Variants in LMX1A observed in about 807,000 individuals in gnomAD.
LMX1A encodes the protein LIM homeobox transcription factor 1-alpha.
In LMX1A, 15 loss-of-function variants were observed where a neutral mutation model predicts 49.1. That is an observed-to-expected ratio of 0.31 (90% CI 0.20 to 0.47). LMX1A has a LOEUF of 0.47. Ranked by LOEUF, LMX1A falls within the 20% of genes least tolerant of loss-of-function variation. The probability of loss-of-function intolerance (pLI) is 1.00; values close to 1 mark genes in which losing one functional copy is unlikely to be tolerated. For missense variants in LMX1A, 372 were observed against 475.8 expected, an observed-to-expected ratio of 0.78 and a Z score of 2.03; for synonymous variants, 167 against 185.7, an observed-to-expected ratio of 0.90 and a Z score of 0.82.
intron 3 of LMX1A, among the ~76,000 whole-genome samples, chr1:165,287,369 T>G (rs957677697): frequency 6.6e-6 from 1 of 152,148 alleles, no homozygotes; most frequent in African/African-American, 2.4e-5. Flanking sequence ...GAGCTCGGAC[T>G]ACACCTCTCG....
chr1:165,236,562 TTG>T (rs1305571946), intron 4 of LMX1A, among the ~76,000 whole-genome samples: 2 of 152,148 alleles, frequency 1.3e-5, no homozygotes, highest in African/African-American at 2.4e-5. Context: ...ACACATGGAT[TTG>T]TGTTTGCTGC....
intron 3 of LMX1A, among the ~76,000 whole-genome samples, chr1:165,259,718 G>A (rs1432891878): frequency 6.6e-6 from 1 of 152,200 alleles, no homozygotes; most frequent in South Asian, 2.1e-4. Flanking sequence ...GGATCAGACA[G>A]AGCCTGAGAC....
rs375424933 is a variant in LMX1A at position 165,205,855 on chromosome 1, C to A, written c.988+9G>T. 145 of 1,613,436 alleles carry A rather than the reference C, an allele frequency of 9.0e-5. No homozygotes were observed. The highest frequency in any genetic ancestry group is 1.2e-4 in the Non-Finnish European group (137 of 1,179,848). ...ATGAGAGGGCCCGAGGGGCTTAAGT[C>A]CCTCTTACCATAAGGGTGCATGTGG... On this transcript the variant is annotated intron_variant, in intron 8 of 8. Coordinates refer to ENST00000342310, the MANE Select transcript of LMX1A (RefSeq NM_177398.4).
chr1:165,305,780 T>G (rs1172448446), intron 3 of LMX1A, among the ~76,000 whole-genome samples: 2 of 152,236 alleles, frequency 1.3e-5, no homozygotes, highest in East Asian at 3.9e-4. Context: ...CATTCACAGT[T>G]CTTTGAAAAC....
intron 3 of LMX1A, among the ~76,000 whole-genome samples, chr1:165,313,353 C>T (rs1655127513): frequency 6.6e-6 from 1 of 152,134 alleles, no homozygotes; most frequent in Non-Finnish European, 1.5e-5. Flanking sequence ...AGATGCCCAT[C>T]TCCTCCACTC....
intron 3 of LMX1A, among the ~76,000 whole-genome samples, chr1:165,271,395 A>G: frequency 6.6e-6 from 1 of 152,174 alleles, no homozygotes; most frequent in East Asian, 1.9e-4. Context: ...ACACAGTATC[A>G]CATACCTCCA....
intron 7 of LMX1A, 127 bp from the exon 8 acceptor site, chr1:165,206,161 C>A: frequency 1.2e-6 from 1 of 830,846 alleles, no homozygotes. Context: ...CAGCCTTTGT[C>A]CTACCAGAGG....
intron 3 of LMX1A, among the ~76,000 whole-genome samples, chr1:165,260,615 C>T (rs1174696162): frequency 6.6e-6 from 1 of 152,190 alleles, no homozygotes; most frequent in Admixed American, 6.5e-5. Flanking sequence ...TAAATTTATT[C>T]TGAAAACCAA....
intron 5 of LMX1A, among the ~76,000 whole-genome samples, chr1:165,212,371 AG>A: frequency 6.6e-6 from 1 of 152,212 alleles, no homozygotes. Flanking sequence ...CAACAAGCCC[AG>A]GAGGGGGCTG....
intron 3 of LMX1A, among the ~76,000 whole-genome samples, chr1:165,265,375 G>A (rs1653592171): frequency 6.6e-6 from 1 of 152,150 alleles, no homozygotes; most frequent in Non-Finnish European, 1.5e-5. Context: ...AGAAACACCT[G>A]CCTCTATCAT....
At chr1:165,310,390 T>G (rs1364612687) in intron 3 of LMX1A, among the ~76,000 whole-genome samples, 2 of 152,258 alleles carry the variant, frequency 1.3e-5, no homozygotes, top group East Asian at 3.8e-4. Flanking sequence ...CTTCTTTGTC[T>G]GTTTTCTTTG....
chr1:165,265,203 CA>C (rs528674072), intron 3 of LMX1A, among the ~76,000 whole-genome samples: 196 of 121,316 alleles, frequency 1.6e-3, no homozygotes, highest in Non-Finnish European at 1.4e-3. Flanking sequence ...GACTCTGTCT[CA>C]AAAAAAAAAA....
intron 4 of LMX1A, among the ~76,000 whole-genome samples, chr1:165,229,478 G>A (rs1001499094): frequency 5.9e-5 from 9 of 152,176 alleles, no homozygotes; most frequent in Admixed American, 3.9e-4. Flanking sequence ...CAAGAGCCCC[G>A]CAGTGGGTGG....
At chr1:165,242,195 G>A (rs940653323) in intron 4 of LMX1A, among the ~76,000 whole-genome samples, 1 of 152,220 alleles carries the variant, frequency 6.6e-6, no homozygotes, top group African/African-American at 2.4e-5. Flanking sequence ...TGAACACAAG[G>A]AGTGAAGCAG....
chr1:165,267,329 G>A (rs775656377), intron 3 of LMX1A, among the ~76,000 whole-genome samples: 1 of 152,066 alleles, frequency 6.6e-6, no homozygotes, highest in East Asian at 1.9e-4. Context: ...AGCATATATC[G>A]AGGTACATGT....
intron 3 of LMX1A, among the ~76,000 whole-genome samples, chr1:165,318,075 T>C (rs192009718): frequency 6.6e-6 from 1 of 152,348 alleles, no homozygotes; most frequent in African/African-American, 2.4e-5. Flanking sequence ...GGTAACTTTC[T>C]GGCTTTTTCT....
intron 3 of LMX1A, among the ~76,000 whole-genome samples, chr1:165,347,542 C>G (rs987860722): frequency 6.6e-6 from 1 of 152,130 alleles, no homozygotes; most frequent in Non-Finnish European, 1.5e-5. Flanking sequence ...AAATCCATGT[C>G]AGAAAAATCT....
At chr1:165,352,629 A>G (rs1401464087) in intron 3 of LMX1A, among the ~76,000 whole-genome samples, 2 of 152,182 alleles carry the variant, frequency 1.3e-5, no homozygotes, top group Non-Finnish European at 2.9e-5. Context: ...ACCGCAAGGC[A>G]CAGGCGCGAC....
intron 4 of LMX1A, among the ~76,000 whole-genome samples, chr1:165,245,170 T>TACCCC (rs1314167092): frequency 6.6e-6 from 1 of 152,086 alleles, no homozygotes; most frequent in Admixed American, 6.6e-5. Flanking sequence ...GATGCTGAGG[T>TACCCC]ATGGGGTACA....
Sources: gnomAD v4.1 joint callset for allele counts (sites outside exome capture counted in the v4.1 genomes callset) on GRCh38, gnomAD v4.1.1 for gene constraint, MANE v1.5 for transcripts, NCBI Gene and HGNC (gene_info 2026-07-23, HGNC 2026-07-21) for gene names.